The following SAXO1 variants were observed in gnomAD, a reference collection of about 807,000 sequenced individuals.
SAXO1 encodes 4930500O09Rik.
Under a neutral mutation model 17.5 loss-of-function variants are expected in SAXO1, and 21 were observed. The ratio of observed to expected loss-of-function variants is 1.20; its 90% confidence interval spans 0.85 to 1.72. The LOEUF (loss-of-function observed/expected upper bound fraction) is 1.72. SAXO1 is among the 40% of genes most tolerant of loss of function. The probability of loss-of-function intolerance (pLI) is 0.00; values close to 1 mark genes in which losing one functional copy is unlikely to be tolerated. For synonymous variants in SAXO1, 274 were observed against 216.5 expected (o/e 1.27, Z -2.33); for missense variants, 843 against 596.0 (o/e 1.41, Z -4.32).
At chr9:19,040,150 T>C (rs940249169) in intron 1 of SAXO1, among the ~76,000 whole-genome samples, 14 of 152,232 alleles carry the variant, frequency 9.2e-5, no homozygotes, top group Non-Finnish European at 1.8e-4. Flanking sequence ...ATTTATAAGA[T>C]GCTAAATGAA....
At chr9:18,966,600 A>G (rs1372532099) in intron 1 of SAXO1, among the ~76,000 whole-genome samples, 1 of 152,168 alleles carries the variant, frequency 6.6e-6, no homozygotes, top group Non-Finnish European at 1.5e-5. Flanking sequence ...CAAGTCATTT[A>G]TATTCTTCTC....
Position 18,928,110 on chromosome 9 carries a change from T to C in SAXO1, c.1367A>G (p.His456Arg), listed in dbSNP as rs1305866007. ...VSQAGSQQSS[H>R]LSVDDSENPN... ...GTTTTCTGAATCATCTACAGAAAGATGGCTGCTCTGCTGAGAGCCTGCCTG... is the reference window on the plus strand; with the variant it reads ...GTTTTCTGAATCATCTACAGAAAGACGGCTGCTCTGCTGAGAGCCTGCCTG... Residue 456 changes from histidine (H) to arginine (R), a missense_variant, in exon 4 of 4, where the codon CAT becomes CGT. Physicochemically the swap from His to Arg is conservative, Grantham distance 29. Transcript: ENST00000380534. 1.5e-5 allele frequency: 25 copies of C among 1,613,912 alleles called. No individual in the cohort carries two copies. Among genetic ancestry groups the C allele is most frequent in the Admixed American group, 5.0e-5 (3 of 60,006 alleles).
At chr9:18,946,927 A>G (rs564832357) in intron 2 of SAXO1, among the ~76,000 whole-genome samples, 3 of 152,350 alleles carry the variant, frequency 2.0e-5, no homozygotes, top group African/African-American at 7.2e-5. Flanking sequence ...AGTTGAAACT[A>G]GGTTAATAGA....
chr9:18,937,572 C>G (rs1000856120), intron 3 of SAXO1, among the ~76,000 whole-genome samples: 6 of 152,068 alleles, frequency 3.9e-5, no homozygotes, highest in African/African-American at 9.7e-5. Flanking sequence ...AAACTTAATC[C>G]CCAATACGGT....
intron 1 of SAXO1, among the ~76,000 whole-genome samples, chr9:19,022,045 G>A: frequency 6.6e-6 from 1 of 152,206 alleles, no homozygotes; most frequent in East Asian, 1.9e-4. Context: ...AAATCTTGCT[G>A]CTGCTCACTC....
At chr9:19,015,867 T>C (rs1009713565) in intron 1 of SAXO1, among the ~76,000 whole-genome samples, 8 of 152,104 alleles carry the variant, frequency 5.3e-5, no homozygotes, top group African/African-American at 7.2e-5. Context: ...GTGTAGTCCA[T>C]CACCCACCTG....
intron 2 of SAXO1, among the ~76,000 whole-genome samples, chr9:18,948,668 G>A (rs1831896279): frequency 6.6e-6 from 1 of 152,066 alleles, no homozygotes; most frequent in African/African-American, 2.4e-5. Context: ...TGCATCTGGG[G>A]GCCTCAGAGC....
chr9:18,999,188 T>G (rs922972483), intron 1 of SAXO1, among the ~76,000 whole-genome samples: 1 of 152,244 alleles, frequency 6.6e-6, no homozygotes, highest in Admixed American at 6.5e-5. Context: ...AAGACCTACC[T>G]GTGTGCTGTA....
At chr9:18,993,647 G>A (rs549250254) in intron 1 of SAXO1, among the ~76,000 whole-genome samples, 2 of 152,136 alleles carry the variant, frequency 1.3e-5, no homozygotes, top group South Asian at 2.1e-4. Flanking sequence ...GAGAGAACAG[G>A]CTCTGCTGTG....
chr9:18,975,054 G>A (rs1833084269), intron 1 of SAXO1, among the ~76,000 whole-genome samples: 1 of 152,182 alleles, frequency 6.6e-6, no homozygotes, highest in African/African-American at 2.4e-5. Flanking sequence ...GCAAGAAGGT[G>A]GGGAGGCTTC....
chr9:18,959,867 A>T (rs566982768), intron 1 of SAXO1, among the ~76,000 whole-genome samples: 4 of 152,090 alleles, frequency 2.6e-5, no homozygotes, highest in Non-Finnish European at 5.9e-5. Context: ...TTCCAGGAGT[A>T]GTAATGCCAA....
intron 1 of SAXO1, among the ~76,000 whole-genome samples, chr9:18,968,622 T>G (rs1296007912): frequency 2.0e-5 from 3 of 150,082 alleles, no homozygotes; most frequent in Non-Finnish European, 4.4e-5. Context: ...AGACGCAGTT[T>G]CACTCTTGTT....
At chr9:19,001,127 C>A (rs112745602) in intron 1 of SAXO1, among the ~76,000 whole-genome samples, 1 of 152,170 alleles carries the variant, frequency 6.6e-6, no homozygotes, top group Non-Finnish European at 1.5e-5. Context: ...CCCAAATCAA[C>A]AGAATATACA....
Position 18,928,839 on chromosome 9 carries a change from G to A in SAXO1, c.638C>T (p.Ala213Val), listed in dbSNP as rs1412832491. 7 of 1,614,152 alleles carry A rather than the reference G, an allele frequency of 4.3e-6. No homozygotes were observed. Among genetic ancestry groups the A allele is most frequent in the African/African-American group, 2.7e-5 (2 of 75,014 alleles). ...CACAAAGCGCTTCTCCACGGGGTGG[G>A]CCACATAGCTCATCTTGTAGTTAGT... ...DVTNYKMSYV[A>V]HPVEKRFVHE... Residue 213 changes from alanine (A) to valine (V), a missense_variant, in exon 4 of 4, where the codon GCC (alanine) becomes GTC (valine). By Grantham distance (64) the Ala-to-Val change is moderately conservative (BLOSUM62 0). Transcript: ENST00000380534.
intron 1 of SAXO1, among the ~76,000 whole-genome samples, chr9:18,992,057 C>T (rs915717313): frequency 5.9e-5 from 9 of 152,164 alleles, no homozygotes; most frequent in Non-Finnish European, 1.2e-4. Flanking sequence ...TCAGAACCCC[C>T]CAATGAGATA....
chr9:18,968,016 T>C (rs576134726), intron 1 of SAXO1, among the ~76,000 whole-genome samples: 1 of 152,246 alleles, frequency 6.6e-6, no homozygotes, highest in African/African-American at 2.4e-5. Flanking sequence ...CCCCAACCCC[T>C]TACGCTTCCT....
At chr9:18,975,683 A>G (rs1833119763) in intron 1 of SAXO1, among the ~76,000 whole-genome samples, 1 of 152,236 alleles carries the variant, frequency 6.6e-6, no homozygotes, top group Admixed American at 6.5e-5. Flanking sequence ...ACAAATTCAT[A>G]CACTATGTAA....
At chr9:18,950,589 TG>T (rs1311103954) in intron 2 of SAXO1, among the ~76,000 whole-genome samples, 168 bp downstream of exon 2, 1 of 152,262 alleles carries the variant, frequency 6.6e-6, no homozygotes, top group African/African-American at 2.4e-5. Flanking sequence ...GGCTCATAAA[TG>T]CAGGATATTC....
At chr9:18,989,993 C>T (rs1833750629) in intron 1 of SAXO1, among the ~76,000 whole-genome samples, 1 of 152,210 alleles carries the variant, frequency 6.6e-6, no homozygotes, top group African/African-American at 2.4e-5. Flanking sequence ...TTACTTGAAC[C>T]ATAAAACTGC....
Sources: allele counts gnomAD v4.1 joint callset (sites outside exome capture counted in the v4.1 genomes callset), GRCh38; gene constraint gnomAD v4.1.1; transcripts MANE v1.5; gene names NCBI Gene and HGNC (gene_info 2026-07-23, HGNC 2026-07-21).